The following HIF3A variants were observed in gnomAD, a reference collection of about 807,000 sequenced individuals.
HIF3A encodes hypoxia-inducible factor 3-alpha.
Under a neutral mutation model 67.2 loss-of-function variants are expected in HIF3A, and 41 were observed. That is an observed-to-expected ratio of 0.61 (90% CI 0.48 to 0.79). The LOEUF (loss-of-function observed/expected upper bound fraction) is 0.79, where lower values mean the gene tolerates loss of function less well. Ranked by LOEUF, HIF3A falls within the 30% of genes least tolerant of loss-of-function variation. The pLI is 0.00. For missense variants in HIF3A, 855 were observed against 898.0 expected, an observed-to-expected ratio of 0.95 and a Z score of 0.61; for synonymous variants, 356 against 374.8, an observed-to-expected ratio of 0.95 and a Z score of 0.58.
rs930632799 is a variant in HIF3A, at chr19:46,316,532, G to A, written c.1025+3879G>A. On this transcript the variant is annotated intron_variant, in intron 8 of 14. Transcript: ENST00000377670. ...AATTACAGCTTTTCGGTCGTGCGCA[G>A]TGGCTCATGCCTATAATCCCAGCAC... 2.6e-5 allele frequency among the ~76,000 whole-genome samples: 4 copies of A among 152,130 alleles called. No individual in the cohort carries two copies. In the South Asian group the frequency reaches 8.3e-4, roughly 31 times the overall value.
At position 46,318,489 on chromosome 19, in the gene HIF3A, CAGTG is replaced by C. The variant is rs557265589; in HGVS notation, c.1026-1951_1026-1948del. 7.4e-3 allele frequency among the ~76,000 whole-genome samples: 946 copies of C among 127,316 alleles called. 12 individuals carry two copies. The highest frequency in any genetic ancestry group is 0.026 in the African/African-American group (869 of 33,132). 83.5% of individuals were successfully genotyped at this position (127,316 alleles called of 152,430 possible). A position where few individuals can be genotyped will look rare whatever the true frequency, so the allele number is the denominator to read the frequency against. ...CACTGAGCCTGGGAGATTGAGGCTG[CAGTG>C]AGCCGAGATCGCACCACTGCACTCC... On this transcript the variant is annotated intron_variant, in intron 8 of 14. Coordinates refer to ENST00000377670, the MANE Select transcript of HIF3A (RefSeq NM_152795.4).
intron 13 of HIF3A, among the ~76,000 whole-genome samples, chr19:46,331,800 A>C (rs1201819071): frequency 6.8e-6 from 1 of 146,944 alleles, no homozygotes; most frequent in Non-Finnish European, 1.5e-5. Flanking sequence ...GATTGCAGTG[A>C]GCTGAGATCG....
Position 46,312,797 on chromosome 19 carries a change from C to T in HIF3A, c.1025+144C>T, listed in dbSNP as rs548481079. 205 of 1,358,800 alleles carry T rather than the reference C, an allele frequency of 1.5e-4. 1 individual carries two copies. In the African/African-American group the frequency reaches 2.8e-3, roughly 18 times the overall value. The allele number at this position is 1,358,800 out of a possible 1,614,324, so 84.2% of individuals were successfully genotyped here. On this transcript the variant is annotated intron_variant, in intron 8 of 14. Transcript: ENST00000377670. ...ATGTGAGGGAGTGTGCACGTGTACA[C>T]ATATGAGGAATGTGTGTCACCATGT... is the stretch of plus-strand genomic sequence containing the variant.
intron 9 of HIF3A, 54 bp from the exon 10 acceptor site, chr19:46,321,722 C>T: frequency 2.0e-6 from 3 of 1,519,930 alleles, no homozygotes; most frequent in East Asian, 2.3e-5. Flanking sequence ...AGGGCTCTGG[C>T]CCTTGGCCCT....
chr19:46,298,157 C>T, intron 1 of HIF3A: 1 of 256,658 alleles, frequency 3.9e-6, no homozygotes, highest in Non-Finnish European at 7.9e-6. Flanking sequence ...CTTCCCTCCT[C>T]CCTGGCTTCT....
At chr19:46,298,366 C>CCCCA in intron 1 of HIF3A, 1 of 1,266,448 alleles carries the variant, frequency 7.9e-7, no homozygotes, top group Non-Finnish European at 1.0e-6. Context: ...CTCGGGTGCC[C>CCCCA]CCCCTCCCCA....
chr19:46,307,995 CAGACAGAT>C (rs1417119871), intron 3 of HIF3A, among the ~76,000 whole-genome samples: 16 of 26,872 alleles, frequency 6.0e-4, no homozygotes, highest in African/African-American at 1.4e-3. Flanking sequence ...GACAGACAGA[CAGACAGAT>C]AGATAGATAG....
Position 46,305,295 on chromosome 19 carries a change from C to A in HIF3A, c.268C>A (p.Leu90Met). Residue 90 changes from leucine (L) to methionine (M), a missense_variant, in exon 3 of 15, where the codon CTG becomes ATG. Coordinates refer to ENST00000377670, the MANE Select transcript of HIF3A (RefSeq NM_152795.4). ...GGGAGAACCACTGGATGCCTGCTAC[C>A]TGAAGGCCCTGGAGGGCTTCGTCAT... ...AGGEPLDACY[L>M]KALEGFVMVL... The A allele has an allele frequency of 1.2e-6, 2 of 1,614,130 alleles. No homozygotes were observed. The highest frequency in any genetic ancestry group is 1.7e-6 in the Non-Finnish European group (2 of 1,180,018).
At chr19:46,308,335 CAT>C in intron 4 of HIF3A, 30 bp downstream of exon 4, 1 of 1,400,088 alleles carries the variant, frequency 7.1e-7, no homozygotes, top group Non-Finnish European at 1.0e-6. Context: ...CTGTCCCCAC[CAT>C]ACAGAGGAGG....
chr19:46,334,088 C>T (rs1361313726), intron 13 of HIF3A, among the ~76,000 whole-genome samples: 1 of 149,986 alleles, frequency 6.7e-6, no homozygotes, highest in Non-Finnish European at 1.5e-5. Flanking sequence ...CCACCGCGCC[C>T]GGCCTCTTTT....
rs980699812 is a variant in HIF3A, at chr19:46,341,651, T to C, written c.*2029T>C. 10 of 151,684 alleles carry C rather than the reference T, an allele frequency of 6.6e-5. No individual in the cohort carries two copies. The highest frequency in any genetic ancestry group is 1.2e-4 in the Non-Finnish European group (8 of 68,016). 9.4% of individuals were successfully genotyped at this position (151,684 alleles called of 1,614,324 possible). A position where few individuals can be genotyped will look rare whatever the true frequency, so the allele number is the denominator to read the frequency against. On this transcript the variant is annotated 3_prime_UTR_variant, in exon 15 of 15. Transcript: ENST00000377670. ...TTTTCTTCCTCTTCTTTTTTTTTTT[T>C]TTCTTTTTTGAGATGGAGTCTCTCT...
At chr19:46,328,055 A>G (rs866434454) in intron 11 of HIF3A, among the ~76,000 whole-genome samples, 2 of 152,372 alleles carry the variant, frequency 1.3e-5, no homozygotes, top group Middle Eastern at 3.4e-3. Context: ...AATTGAATTC[A>G]GTCTCCAATG....
In HIF3A at chr19:46,339,723, G is replaced by A; in HGVS notation, c.*101G>A. 1.3e-6 allele frequency: 1 copy of A among 783,518 alleles called. No homozygotes were observed. Among genetic ancestry groups the A allele is most frequent in the Non-Finnish European group, 2.0e-6 (1 of 509,678 alleles). 48.5% of individuals were successfully genotyped at this position (783,518 alleles called of 1,614,324 possible). ...ACAGGATGGGGGCGCCAGGAGAGGG[G>A]CCCCTCTCTCCTCTATGTACCCCCT... is the stretch of plus-strand genomic sequence containing the variant. On this transcript the variant is annotated 3_prime_UTR_variant, in exon 15 of 15. Transcript: ENST00000377670.
At chr19:46,336,548 C>CGT (rs759659296) in intron 14 of HIF3A, among the ~76,000 whole-genome samples, 30 of 149,748 alleles carry the variant, frequency 2.0e-4, no homozygotes, top group South Asian at 1.7e-3. Context: ...TGTTTGTGTG[C>CGT]GTGTGTGTGT....
intron 1 of HIF3A, chr19:46,303,492 T>C (rs1238004015): frequency 1.3e-6 from 1 of 778,862 alleles, no homozygotes. Flanking sequence ...TGTAGGCCTC[T>C]CCTTCGTGGG....
intron 10 of HIF3A, among the ~76,000 whole-genome samples, chr19:46,324,890 T>TTATA (rs548474180): frequency 9.3e-4 from 127 of 137,090 alleles, no homozygotes; most frequent in African/African-American, 2.5e-3. Flanking sequence ...ATGTTTTTAT[T>TTATA]TATATATATA....
intron 13 of HIF3A, 35 bp downstream of exon 13, chr19:46,331,308 C>T: frequency 6.5e-7 from 1 of 1,533,404 alleles, no homozygotes; most frequent in Non-Finnish European, 9.0e-7. Flanking sequence ...CTCTGGCCCT[C>T]ATTACCTAGC....
At chr19:46,319,562 A>G (rs1161643176) in intron 8 of HIF3A, among the ~76,000 whole-genome samples, 2 of 152,196 alleles carry the variant, frequency 1.3e-5, no homozygotes, top group African/African-American at 4.8e-5. Flanking sequence ...ATCTATGAAT[A>G]GAAACAGCAT....
chr19:46,309,137 A>T lies in HIF3A; in HGVS notation c.562-14A>T, dbSNP rs1344016196. ...AGAGGCACCACTGCCTTGTCCCCTC[A>T]TCTCGGCCCCCAGGTGCTGAACTGC... On this transcript the variant is annotated splice_polypyrimidine_tract_variant and intron_variant, in intron 5 of 14. Transcript: ENST00000377670. 6.2e-7 allele frequency: 1 copy of T among 1,607,092 alleles called. No individual in the cohort carries two copies. Among genetic ancestry groups the T allele is most frequent in the Admixed American group, 1.7e-5 (1 of 59,616 alleles).
Sources: allele counts gnomAD v4.1 joint callset (sites outside exome capture counted in the v4.1 genomes callset), GRCh38; gene constraint gnomAD v4.1.1; transcripts MANE v1.5; gene names NCBI Gene and HGNC (gene_info 2026-07-23, HGNC 2026-07-21).